DLC1: variants seen among roughly 807,000 people sequenced by gnomAD.
DLC1 encodes the protein rho GTPase-activating protein 7.
DLC1 carries 54 observed loss-of-function variants against 140.3 expected under a neutral mutation model. The observed-to-expected ratio is 0.38, with a 90% confidence interval of 0.31 to 0.48. The LOEUF (loss-of-function observed/expected upper bound fraction) is 0.48, where lower values mean the gene tolerates loss of function less well. DLC1 is among the 20% of genes least tolerant of loss of function. DLC1 has a pLI of 0.96. For synonymous variants in DLC1, 986 were observed against 728.1 expected (o/e 1.35, Z -5.70); for missense variants, 2,536 against 1,907.0 (o/e 1.33, Z -6.14).
chr8:13,363,312 T>C (rs1055046864), intron 4 of DLC1, among the ~76,000 whole-genome samples: 2 of 127,950 alleles, frequency 1.6e-5, no homozygotes, highest in African/African-American at 5.0e-5. Flanking sequence ...TCTCAGAGCA[T>C]GCATATTGTG....
chr8:13,182,513 G>T (rs1458835077), intron 5 of DLC1, among the ~76,000 whole-genome samples: 3 of 152,100 alleles, frequency 2.0e-5, no homozygotes, highest in Non-Finnish European at 4.4e-5. Flanking sequence ...TGTAAGGAAG[G>T]GATCCAGTTT....
intron 2 of DLC1, among the ~76,000 whole-genome samples, chr8:13,428,474 G>C (rs1041583513): frequency 6.6e-5 from 10 of 152,114 alleles, no homozygotes; most frequent in Admixed American, 2.6e-4. Flanking sequence ...CAAACTGAAA[G>C]CTTTGAGAGC....
intron 1 of DLC1, among the ~76,000 whole-genome samples, chr8:13,555,807 G>A (rs1804026943): frequency 6.6e-6 from 1 of 151,360 alleles, no homozygotes; most frequent in African/African-American, 2.4e-5. Flanking sequence ...TGGCCTTGTA[G>A]CATTTTTTTT....
chr8:13,453,237 G>A (rs1487069965), intron 2 of DLC1, among the ~76,000 whole-genome samples: 1 of 147,936 alleles, frequency 6.8e-6, no homozygotes, highest in Admixed American at 6.8e-5. Context: ...TGATATATAA[G>A]CAAGCATTAA....
Position 13,092,505 on chromosome 8 carries a change from C to A in DLC1, c.3740+107G>T, listed in dbSNP as rs1413621570. The A allele has an allele frequency of 7.0e-6, 9 of 1,279,082 alleles. No homozygotes were observed. The East Asian group carries it at 2.0e-4, about 29-fold the overall frequency. 79.2% of individuals were successfully genotyped at this position (1,279,082 alleles called of 1,614,324 possible). A position where few individuals can be genotyped will look rare whatever the true frequency, so the allele number is the denominator to read the frequency against. On this transcript the variant is annotated intron_variant, in intron 13 of 17. Coordinates refer to ENST00000276297, the MANE Select transcript of DLC1 (RefSeq NM_182643.3). ...GAATGGACTAATATAGCGGTCTAACCTTCTTGCTTGTTTCAGGAAAGAGTC... is the reference window on the plus strand; with the variant it reads ...GAATGGACTAATATAGCGGTCTAACATTCTTGCTTGTTTCAGGAAAGAGTC...
chr8:13,593,840 C>A (rs962228520), intron 1 of DLC1, among the ~76,000 whole-genome samples: 1 of 152,060 alleles, frequency 6.6e-6, no homozygotes, highest in Non-Finnish European at 1.5e-5. Flanking sequence ...GCAAAGATTT[C>A]ATCTATGTGG....
chr8:13,218,021 G>A (rs1233777542), intron 5 of DLC1, among the ~76,000 whole-genome samples: 1 of 151,992 alleles, frequency 6.6e-6, no homozygotes, highest in Non-Finnish European at 1.5e-5. Context: ...TCCCTTGAAT[G>A]GAGTCCTCTC....
At chr8:13,276,481 A>C (rs1177088150) in intron 5 of DLC1, 7 of 1,334,046 alleles carry the variant, frequency 5.2e-6, no homozygotes, top group East Asian at 6.2e-5. Flanking sequence ...TCCCGGCCGC[A>C]GGCTGTCGCC....
At chr8:13,404,681 G>A (rs1302934957) in intron 2 of DLC1, among the ~76,000 whole-genome samples, 1 of 152,038 alleles carries the variant, frequency 6.6e-6, no homozygotes, top group Admixed American at 6.6e-5. Context: ...GTAAATTTTA[G>A]TATGAATTGT....
intron 1 of DLC1, among the ~76,000 whole-genome samples, chr8:13,524,495 A>C (rs1802859212): frequency 1.3e-5 from 2 of 152,104 alleles, no homozygotes; most frequent in African/African-American, 4.8e-5. Context: ...GTACCGTAAT[A>C]GTCTATTGGT....
At chr8:13,121,409 A>G (rs1821048476) in intron 5 of DLC1, among the ~76,000 whole-genome samples, 1 of 152,086 alleles carries the variant, frequency 6.6e-6, no homozygotes, top group African/African-American at 2.4e-5. Context: ...TTTAATTACA[A>G]CCCATCTTTA....
intron 5 of DLC1, among the ~76,000 whole-genome samples, chr8:13,194,789 C>A (rs1563154918): frequency 6.6e-6 from 1 of 152,184 alleles, no homozygotes; most frequent in African/African-American, 2.4e-5. Context: ...GGGAGGATTT[C>A]TTGATCTCAG....
At chr8:13,202,570 T>C (rs1827449731) in intron 5 of DLC1, among the ~76,000 whole-genome samples, 1 of 152,200 alleles carries the variant, frequency 6.6e-6, no homozygotes, top group African/African-American at 2.4e-5. Context: ...GGGCTTTATC[T>C]TTTCCCTCCT....
At chr8:13,091,530 T>G in intron 13 of DLC1, 98 bp from the exon 14 acceptor site, 1 of 1,016,006 alleles carries the variant, frequency 9.8e-7, no homozygotes, top group South Asian at 1.9e-5. Flanking sequence ...GAAAAAAAAA[T>G]TTTCACTGGA....
At chr8:13,246,428 G>A (rs1829764822) in intron 5 of DLC1, among the ~76,000 whole-genome samples, 1 of 152,280 alleles carries the variant, frequency 6.6e-6, no homozygotes, top group African/African-American at 2.4e-5. Context: ...AGTTATTAAT[G>A]TTTCAACATA....
intron 6 of DLC1, among the ~76,000 whole-genome samples, chr8:13,112,344 T>C (rs1820186071): frequency 6.6e-6 from 1 of 152,188 alleles, no homozygotes; most frequent in Non-Finnish European, 1.5e-5. Flanking sequence ...TGATATGGAA[T>C]TTCTTATTCT....
At chr8:13,441,787 A>C (rs1377602725) in intron 2 of DLC1, among the ~76,000 whole-genome samples, 6 of 152,168 alleles carry the variant, frequency 3.9e-5, no homozygotes, top group Non-Finnish European at 7.3e-5. Flanking sequence ...ATACTGCCCA[A>C]GGTAATTTAT....
At chr8:13,118,133 C>G (rs1820736844) in intron 5 of DLC1, among the ~76,000 whole-genome samples, 1 of 151,776 alleles carries the variant, frequency 6.6e-6, no homozygotes, top group Admixed American at 6.6e-5. Context: ...CCTCCGCCTC[C>G]CAAGTAGCTG....
At chr8:13,398,881 G>T (rs547266403) in intron 3 of DLC1, among the ~76,000 whole-genome samples, 3 of 152,296 alleles carry the variant, frequency 2.0e-5, no homozygotes, top group Admixed American at 6.5e-5. Flanking sequence ...CTATTTGCAG[G>T]TGTGATGCCG....
Sources: gnomAD v4.1 joint callset for allele counts (sites outside exome capture counted in the v4.1 genomes callset) on GRCh38, gnomAD v4.1.1 for gene constraint, MANE v1.5 for transcripts, NCBI Gene and HGNC (gene_info 2026-07-23, HGNC 2026-07-21) for gene names.